The following DOK6 variants were observed in gnomAD, a reference collection of about 807,000 sequenced individuals.
DOK6 encodes docking protein 6, also known as downstream of tyrosine kinase 6.
DOK6 carries 22 observed loss-of-function variants against 44.0 expected under a neutral mutation model. The observed-to-expected ratio is 0.50, with a 90% CI of 0.36 to 0.71. The LOEUF (loss-of-function observed/expected upper bound fraction) is 0.71, where lower values mean the gene tolerates loss of function less well. Among genes scored for constraint, DOK6 ranks in the 30% least tolerant of loss-of-function variants. The pLI, the probability that DOK6 is intolerant of heterozygous loss-of-function variation, is 0.00. For synonymous variants in DOK6, 166 were observed against 145.5 expected (o/e 1.14, Z -1.01); for missense variants, 340 against 416.4 (o/e 0.82, Z 1.60).
chr18:69,503,253 C>T (rs1029596507), intron 1 of DOK6, among the ~76,000 whole-genome samples: 1 of 152,026 alleles, frequency 6.6e-6, no homozygotes, highest in African/African-American at 2.4e-5. Context: ...AGATAATTAT[C>T]TTCTAAACAG....
chr18:69,822,740 G>A (rs375326383), intron 7 of DOK6, among the ~76,000 whole-genome samples: 4 of 152,084 alleles, frequency 2.6e-5, no homozygotes, highest in Admixed American at 6.5e-5. Flanking sequence ...AAAGACTCAC[G>A]GAGAACAGTC....
intron 3 of DOK6, among the ~76,000 whole-genome samples, chr18:69,602,106 C>A (rs2144623891): frequency 6.6e-6 from 1 of 152,236 alleles, no homozygotes; most frequent in South Asian, 2.1e-4. Flanking sequence ...GAGCATGACT[C>A]CCTGTGCCTT....
intron 3 of DOK6, among the ~76,000 whole-genome samples, chr18:69,608,472 G>T (rs1481839488): frequency 6.6e-6 from 1 of 152,130 alleles, no homozygotes; most frequent in Non-Finnish European, 1.5e-5. Context: ...TCTCAAGATT[G>T]ATTTGGATAT....
intron 3 of DOK6, among the ~76,000 whole-genome samples, chr18:69,639,867 C>A (rs895412609): frequency 1.3e-5 from 2 of 152,098 alleles, no homozygotes; most frequent in African/African-American, 2.4e-5. Context: ...TCTTTCCTGT[C>A]CCAAAGCTAA....
intron 3 of DOK6, among the ~76,000 whole-genome samples, chr18:69,608,400 T>A (rs375157905): frequency 1.3e-5 from 2 of 152,190 alleles, no homozygotes; most frequent in African/African-American, 4.8e-5. Flanking sequence ...CTGTTTTGAT[T>A]ATGGTAAACT....
intron 1 of DOK6, among the ~76,000 whole-genome samples, chr18:69,444,548 T>C (rs1979224866): frequency 6.6e-6 from 1 of 152,186 alleles, no homozygotes; most frequent in Non-Finnish European, 1.5e-5. Flanking sequence ...TCTTTATTGC[T>C]GTCTCCTTAG....
At chr18:69,837,540 T>G in intron 7 of DOK6, among the ~76,000 whole-genome samples, 1 of 147,406 alleles carries the variant, frequency 6.8e-6, no homozygotes, top group South Asian at 2.2e-4. Context: ...GACAGCATGT[T>G]GAGATGGTGG....
intron 1 of DOK6, among the ~76,000 whole-genome samples, chr18:69,522,660 CCTT>C (rs1981720075): frequency 6.6e-6 from 1 of 152,018 alleles, no homozygotes; most frequent in South Asian, 2.1e-4. Context: ...TTTAAACCAT[CCTT>C]CTACATTCTG....
intron 1 of DOK6, among the ~76,000 whole-genome samples, chr18:69,546,110 T>G (rs1261391849): frequency 2.0e-5 from 3 of 151,006 alleles, no homozygotes; most frequent in East Asian, 3.9e-4. Context: ...AAAACCCATC[T>G]CTAATAAAAA....
At chr18:69,628,073 T>A (rs1984600656) in intron 3 of DOK6, among the ~76,000 whole-genome samples, 1 of 152,244 alleles carries the variant, frequency 6.6e-6, no homozygotes, top group African/African-American at 2.4e-5. Context: ...TTTTACTTCT[T>A]TATAAATAAA....
intron 2 of DOK6, among the ~76,000 whole-genome samples, chr18:69,580,709 T>G (rs1983348219): frequency 6.6e-6 from 1 of 152,172 alleles, no homozygotes; most frequent in African/African-American, 2.4e-5. Context: ...TCCTTCTAGC[T>G]ATTTGAAAAT....
intron 1 of DOK6, among the ~76,000 whole-genome samples, chr18:69,419,126 T>C (rs1275809756): frequency 6.6e-6 from 1 of 152,176 alleles, no homozygotes; most frequent in African/African-American, 2.4e-5. Context: ...AAAACTTCTG[T>C]GTCTTTGATG....
intron 7 of DOK6, among the ~76,000 whole-genome samples, chr18:69,779,799 T>C (rs1599321822): frequency 6.6e-6 from 1 of 151,972 alleles, no homozygotes; most frequent in East Asian, 1.9e-4. Context: ...GACTTGTAAT[T>C]GGTCTTCTTG....
intron 1 of DOK6, among the ~76,000 whole-genome samples, chr18:69,489,022 A>T (rs748762383): frequency 1.3e-5 from 2 of 152,190 alleles, no homozygotes; most frequent in Non-Finnish European, 2.9e-5. Context: ...CTTAAGTTTT[A>T]TACACATAGA....
At chr18:69,692,488 T>G (rs1986289338) in intron 4 of DOK6, among the ~76,000 whole-genome samples, 1 of 152,248 alleles carries the variant, frequency 6.6e-6, no homozygotes, top group South Asian at 2.1e-4. Flanking sequence ...CCATAAATAC[T>G]GGGGTTTTTA....
At chr18:69,501,712 A>C (rs962786987) in intron 1 of DOK6, among the ~76,000 whole-genome samples, 1 of 152,088 alleles carries the variant, frequency 6.6e-6, no homozygotes, top group Non-Finnish European at 1.5e-5. Flanking sequence ...GAACATCATC[A>C]TAAGATTAAA....
At chr18:69,760,310 T>G (rs1332162189) in intron 7 of DOK6, among the ~76,000 whole-genome samples, 1 of 152,134 alleles carries the variant, frequency 6.6e-6, no homozygotes, top group African/African-American at 2.4e-5. Flanking sequence ...CACGAACACG[T>G]ACGTTTTTCA....
intron 1 of DOK6, among the ~76,000 whole-genome samples, chr18:69,539,467 C>CTT (rs71176979): frequency 2.8e-3 from 398 of 140,236 alleles, no homozygotes; most frequent in Non-Finnish European, 3.9e-3. Flanking sequence ...ACAAAAACAG[C>CTT]TTTTTTTTTT....
intron 1 of DOK6, among the ~76,000 whole-genome samples, chr18:69,523,746 G>A (rs1981751966): frequency 6.6e-6 from 1 of 151,698 alleles, no homozygotes; most frequent in Non-Finnish European, 1.5e-5. Context: ...TTTAGGTCTA[G>A]CTCAAGTAGC....
Sources: allele counts gnomAD v4.1 joint callset (sites outside exome capture counted in the v4.1 genomes callset), GRCh38; gene constraint gnomAD v4.1.1; transcripts MANE v1.5; gene names NCBI Gene and HGNC (gene_info 2026-07-23, HGNC 2026-07-21).